PTPRD: variants seen among roughly 807,000 people sequenced by gnomAD.
The protein encoded by PTPRD is protein tyrosine phosphatase receptor type D, also known as receptor-type tyrosine-protein phosphatase delta.
In PTPRD, 34 loss-of-function variants were observed where a neutral mutation model predicts 214.5. That is an observed-to-expected ratio of 0.16 (90% confidence interval 0.12 to 0.21). The LOEUF (loss-of-function observed/expected upper bound fraction) is 0.21, where lower values mean the gene tolerates loss of function less well. Among genes scored for constraint, PTPRD ranks in the 10% least tolerant of loss-of-function variants. The pLI is 1.00. For missense variants in PTPRD, 2,545 were observed against 2,398.7 expected, an observed-to-expected ratio of 1.06 and a Z score of -1.27; for synonymous variants, 1,128 against 845.7, an observed-to-expected ratio of 1.33 and a Z score of -5.79.
chr9:10,143,861 C>T (rs932590540), intron 3 of PTPRD, among the ~76,000 whole-genome samples: 14 of 152,050 alleles, frequency 9.2e-5, no homozygotes, highest in African/African-American at 3.1e-4. Context: ...GTTGAGTACA[C>T]ATGAAAGTAA....
Position 8,314,822 on chromosome 9 carries a change from T to C in PTPRD, c.*3052A>G, listed in dbSNP as rs1820927130. ...TACAGATGGGTTCAAGTAATATCAT[T>C]ATTGGGTGTAGAATCAATAGGGCAG... On this transcript the variant is annotated 3_prime_UTR_variant, in exon 46 of 46. Transcript: ENST00000381196. The C allele has an allele frequency of 4.3e-6, 1 of 232,354 alleles. No individual in the cohort carries two copies. The highest frequency in any genetic ancestry group is 1.8e-4 in the South Asian group (1 of 5,526). The allele number at this position is 232,354 out of a possible 1,614,324, so 14.4% of individuals were successfully genotyped here.
At chr9:9,746,585 G>A (rs2098460382) in intron 6 of PTPRD, among the ~76,000 whole-genome samples, 1 of 152,132 alleles carries the variant, frequency 6.6e-6, no homozygotes, top group South Asian at 2.1e-4. Flanking sequence ...TCACTAAATT[G>A]GCATAATTTA....
intron 11 of PTPRD, among the ~76,000 whole-genome samples, chr9:8,946,716 C>A (rs1354047971): frequency 2.0e-5 from 3 of 152,074 alleles, no homozygotes; most frequent in Non-Finnish European, 4.4e-5. Context: ...GTTAACAGAT[C>A]CCCAGGTTGC....
intron 2 of PTPRD, among the ~76,000 whole-genome samples, chr9:10,568,086 A>G (rs556432167): frequency 1.4e-4 from 21 of 151,430 alleles, no homozygotes; most frequent in African/African-American, 5.1e-4. Flanking sequence ...ATTTAGCATT[A>G]GGTATATCTC....
intron 7 of PTPRD, among the ~76,000 whole-genome samples, chr9:9,642,485 G>C (rs1332423143): frequency 6.6e-6 from 1 of 152,096 alleles, no homozygotes; most frequent in Non-Finnish European, 1.5e-5. Flanking sequence ...TAGCTTAGAA[G>C]GTATATAAGC....
intron 11 of PTPRD, among the ~76,000 whole-genome samples, chr9:8,774,633 C>G (rs2095393338): frequency 6.8e-6 from 1 of 146,016 alleles, no homozygotes; most frequent in Admixed American, 7.1e-5. Context: ...CTCCTGGGTT[C>G]AAGTGATTCT....
chr9:8,684,643 A>G (rs1246486150), intron 12 of PTPRD, among the ~76,000 whole-genome samples: 3 of 152,204 alleles, frequency 2.0e-5, no homozygotes, highest in Non-Finnish European at 4.4e-5. Flanking sequence ...TAATTTCTAT[A>G]TATGTTGAAA....
At chr9:9,988,633 C>T (rs927793036) in intron 4 of PTPRD, among the ~76,000 whole-genome samples, 2 of 151,824 alleles carry the variant, frequency 1.3e-5, no homozygotes, top group African/African-American at 2.4e-5. Flanking sequence ...AGTAAAATAG[C>T]CCAAATAATG....
At chr9:9,216,358 T>C (rs1018435161) in intron 9 of PTPRD, among the ~76,000 whole-genome samples, 6 of 152,194 alleles carry the variant, frequency 3.9e-5, no homozygotes, top group Non-Finnish European at 8.8e-5. Context: ...TCCTCTATGA[T>C]ATGGAGCTAA....
intron 9 of PTPRD, among the ~76,000 whole-genome samples, chr9:9,363,458 T>C (rs937424350): frequency 2.0e-5 from 3 of 151,448 alleles, no homozygotes; most frequent in East Asian, 3.9e-4. Flanking sequence ...TATATTTTGC[T>C]ATGAGTTGTA....
intron 3 of PTPRD, among the ~76,000 whole-genome samples, chr9:10,271,548 TC>T (rs765843378): frequency 0.26 from 21,137 of 81,236 alleles, 2,275 homozygotes; most frequent in Non-Finnish European, 0.38. Flanking sequence ...TCTTTTCTTT[TC>T]TTTTTTTTTT....
chr9:9,533,161 T>C (rs1191231210), intron 8 of PTPRD, among the ~76,000 whole-genome samples: 1 of 152,148 alleles, frequency 6.6e-6, no homozygotes, highest in East Asian at 1.9e-4. Flanking sequence ...TGAGGGCTCC[T>C]TAAGGAGGGC....
At chr9:10,112,608 C>T (rs747896829) in intron 3 of PTPRD, among the ~76,000 whole-genome samples, 4 of 152,092 alleles carry the variant, frequency 2.6e-5, no homozygotes, top group East Asian at 1.9e-4. Context: ...CCTGCCCAGG[C>T]CGTGGAGGAG....
At chr9:9,280,018 A>G (rs987189007) in intron 9 of PTPRD, among the ~76,000 whole-genome samples, 4 of 151,320 alleles carry the variant, frequency 2.6e-5, no homozygotes, top group African/African-American at 9.7e-5. Flanking sequence ...GTTGTTTCCA[A>G]TGTACCGCAA....
intron 10 of PTPRD, among the ~76,000 whole-genome samples, chr9:9,172,939 G>T (rs184359359): frequency 3.3e-5 from 5 of 152,226 alleles, no homozygotes; most frequent in South Asian, 2.1e-4. Flanking sequence ...TTCAGTGAAA[G>T]ATCATCTTCT....
chr9:10,054,141 A>C (rs1252967804), intron 3 of PTPRD, among the ~76,000 whole-genome samples: 4 of 152,168 alleles, frequency 2.6e-5, no homozygotes, highest in African/African-American at 9.6e-5. Flanking sequence ...ACTCTATTTA[A>C]AACTAGTCAG....
At chr9:8,557,543 G>A (rs967970824) in intron 14 of PTPRD, among the ~76,000 whole-genome samples, 1 of 148,922 alleles carries the variant, frequency 6.7e-6, no homozygotes, top group African/African-American at 2.5e-5. Context: ...AGGAGTTCGA[G>A]ACTAGCCTGA....
At chr9:9,018,625 A>T (rs2099546288) in intron 11 of PTPRD, 72 bp downstream of exon 11, 1 of 152,222 alleles carries the variant, frequency 6.6e-6, no homozygotes, top group South Asian at 2.1e-4. Context: ...AGTAGTAAAG[A>T]AACACTATTA....
chr9:10,006,023 C>T (rs548098771), intron 4 of PTPRD, among the ~76,000 whole-genome samples: 1 of 151,968 alleles, frequency 6.6e-6, no homozygotes, highest in South Asian at 2.1e-4. Context: ...TAAACATATA[C>T]ACATATGTAC....
Sources: allele counts gnomAD v4.1 joint callset (sites outside exome capture counted in the v4.1 genomes callset), GRCh38; gene constraint gnomAD v4.1.1; transcripts MANE v1.5; gene names NCBI Gene and HGNC (gene_info 2026-07-23, HGNC 2026-07-21).